The following PTPRE variants were observed in gnomAD, a reference collection of about 807,000 sequenced individuals.
The protein encoded by PTPRE is protein tyrosine phosphatase receptor type E, also known as receptor-type tyrosine-protein phosphatase epsilon.
Under a neutral mutation model 102.0 loss-of-function variants are expected in PTPRE, and 51 were observed. The observed-to-expected ratio is 0.50, with a 90% confidence interval of 0.40 to 0.63. The LOEUF (loss-of-function observed/expected upper bound fraction) is 0.63, where lower values mean the gene tolerates loss of function less well. Among genes scored for constraint, PTPRE ranks in the 30% least tolerant of loss-of-function variants. The pLI is 0.00. For synonymous variants in PTPRE, 345 were observed against 348.2 expected (o/e 0.99, Z 0.10); for missense variants, 752 against 915.1 (o/e 0.82, Z 2.30).
intron 2 of PTPRE, among the ~76,000 whole-genome samples, chr10:128,037,829 T>C (rs1385380523): frequency 1.3e-5 from 2 of 152,208 alleles, no homozygotes; most frequent in East Asian, 3.8e-4. Flanking sequence ...TCTCGCTCTA[T>C]TGCCCAGGCT....
intron 18 of PTPRE, 57 bp from the exon 19 acceptor site, chr10:128,077,560 G>T (rs1417363119): frequency 6.4e-7 from 1 of 1,554,660 alleles, no homozygotes; most frequent in Non-Finnish European, 8.7e-7. Flanking sequence ...GGCAGATGGG[G>T]CTGGGGCCTG....
chr10:127,961,741 A>C (rs781701014), intron 1 of PTPRE, among the ~76,000 whole-genome samples: 13 of 152,018 alleles, frequency 8.6e-5, no homozygotes, highest in Non-Finnish European at 1.8e-4. Context: ...CTTGGTAGTC[A>C]CATATTTATT....
At chr10:127,945,312 G>A (rs1487261760) in intron 1 of PTPRE, among the ~76,000 whole-genome samples, 1 of 152,216 alleles carries the variant, frequency 6.6e-6, no homozygotes, top group Non-Finnish European at 1.5e-5. Context: ...GCAACTCAAT[G>A]TGGAGAATCT....
chr10:127,943,116 A>T (rs12414855), intron 1 of PTPRE, among the ~76,000 whole-genome samples: 23,093 of 152,200 alleles, frequency 0.15, 1,891 homozygotes, highest in East Asian at 0.27. Flanking sequence ...TAATGAAAAC[A>T]GTAAGACTGT....
At chr10:127,935,968 C>T (rs1390335752) in intron 1 of PTPRE, 1 of 152,270 alleles carries the variant, frequency 6.6e-6, no homozygotes, top group Admixed American at 6.5e-5. Context: ...CCTCAGGTGC[C>T]TTCCTAATGT....
chr10:128,018,591 G>A (rs576678944), intron 2 of PTPRE, among the ~76,000 whole-genome samples: 1 of 152,294 alleles, frequency 6.6e-6, no homozygotes, highest in East Asian at 1.9e-4. Context: ...CCAGAGGAGG[G>A]GGGCTGAGAG....
chr10:127,920,131 C>T (rs973019870), intron 1 of PTPRE, among the ~76,000 whole-genome samples: 2 of 152,100 alleles, frequency 1.3e-5, no homozygotes, highest in Non-Finnish European at 2.9e-5. Context: ...GGGAGTTACT[C>T]AACTGTTTGA....
intron 5 of PTPRE, among the ~76,000 whole-genome samples, chr10:128,048,299 C>T (rs138176977): frequency 7.2e-5 from 11 of 152,272 alleles, no homozygotes; most frequent in South Asian, 2.1e-4. Context: ...CTTTTCCATC[C>T]GAAGTACAGT....
rs181296025 is a variant in PTPRE at position 127,958,033 on chromosome 10, A to T, written c.-30-24241A>T. On this transcript the variant is annotated intron_variant, in intron 1 of 20. Coordinates refer to ENST00000254667, the MANE Select transcript of PTPRE (RefSeq NM_006504.6). ...GAAAAGTGACTAACTTTTTGTATTA[A>T]CTTTATACCCTGAAACATTACTATA... Among the ~76,000 whole-genome samples, 277 of 152,326 alleles carry T rather than the reference A, an allele frequency of 1.8e-3. 2 individuals are homozygous for T. In the Middle Eastern group the frequency reaches 0.027, roughly 15 times the overall value.
At chr10:128,036,439 C>T (rs114976679) in intron 2 of PTPRE, among the ~76,000 whole-genome samples, 136 of 152,280 alleles carry the variant, frequency 8.9e-4, no homozygotes, top group African/African-American at 3.0e-3. Context: ...CATAGGATTT[C>T]GGTGAGGGTT....
intron 3 of PTPRE, among the ~76,000 whole-genome samples, chr10:128,043,899 T>C (rs1203379973): frequency 1.3e-5 from 2 of 152,210 alleles, no homozygotes; most frequent in Non-Finnish European, 2.9e-5. Flanking sequence ...ATTTCATCTG[T>C]TTCTTTCATA....
At chr10:127,963,199 G>C (rs1007150250) in intron 1 of PTPRE, among the ~76,000 whole-genome samples, 4 of 152,102 alleles carry the variant, frequency 2.6e-5, no homozygotes, top group African/African-American at 9.7e-5. Context: ...AGTGATCACA[G>C]CTGAGGGCCT....
chr10:127,960,034 GATT>G (rs1849681769), intron 1 of PTPRE, among the ~76,000 whole-genome samples: 1 of 152,218 alleles, frequency 6.6e-6, no homozygotes, highest in Non-Finnish European at 1.5e-5. Context: ...GACAGATGCA[GATT>G]ATTACTATGT....
Position 127,945,480 on chromosome 10 carries a change from A to G in PTPRE, c.-30-36794A>G, listed in dbSNP as rs181067701. ...CCTTTGAGGAGGCCTCTGTCTCAGA[A>G]CAAATGTCACAAACAATGAATGCCA... On this transcript the variant is annotated intron_variant, in intron 1 of 20. Transcript: ENST00000254667. Among the ~76,000 whole-genome samples the G allele has an allele frequency of 5.3e-5, 8 of 152,362 alleles. No individual in the cohort carries two copies. The East Asian group carries it at 1.5e-3, about 29-fold the overall frequency.
At chr10:127,925,142 A>G (rs1846910770) in intron 1 of PTPRE, among the ~76,000 whole-genome samples, 1 of 152,236 alleles carries the variant, frequency 6.6e-6, no homozygotes, top group Admixed American at 6.5e-5. Flanking sequence ...GATGTTGGCC[A>G]TGGACAGGAG....
chr10:127,948,599 T>G (rs547461689), intron 1 of PTPRE, among the ~76,000 whole-genome samples: 1 of 152,232 alleles, frequency 6.6e-6, no homozygotes, highest in African/African-American at 2.4e-5. Flanking sequence ...GTGGTTGGAA[T>G]CATATAATAT....
chr10:128,085,138 CG>C lies in PTPRE; in HGVS notation c.*2233del. The C allele has an allele frequency of 2.2e-6, 1 of 456,058 alleles. No homozygotes were observed. The highest frequency in any genetic ancestry group is 4.4e-6 in the Non-Finnish European group (1 of 226,794). 28.3% of individuals were successfully genotyped at this position (456,058 alleles called of 1,614,324 possible). On this transcript the variant is annotated 3_prime_UTR_variant, in exon 21 of 21. Coordinates refer to ENST00000254667, the MANE Select transcript of PTPRE (RefSeq NM_006504.6). ...CCCCTCCACTGTCCGGGACAGCGTT[CG>C]CCCTTTAGCGGGGAGGTCATTACAG...
intron 2 of PTPRE, among the ~76,000 whole-genome samples, chr10:128,003,686 C>T (rs181697597): frequency 1.8e-4 from 27 of 152,236 alleles, no homozygotes; most frequent in African/African-American, 6.3e-4. Context: ...TAAAGAAATG[C>T]GCCCCAACTT....
chr10:127,980,110 A>T (rs907632935), intron 1 of PTPRE, among the ~76,000 whole-genome samples: 1 of 152,084 alleles, frequency 6.6e-6, no homozygotes, highest in Non-Finnish European at 1.5e-5. Context: ...ATCTGCAGTG[A>T]TCCTCAAGTA....
Sources: allele counts gnomAD v4.1 joint callset (sites outside exome capture counted in the v4.1 genomes callset), GRCh38; gene constraint gnomAD v4.1.1; transcripts MANE v1.5; gene names NCBI Gene and HGNC (gene_info 2026-07-23, HGNC 2026-07-21).